The following ZNF232 variants were observed in gnomAD, a reference collection of about 807,000 sequenced individuals.
ZNF232 encodes zinc finger protein 232.
A neutral mutation model predicts 25.2 loss-of-function variants in ZNF232; 25 were observed. The observed-to-expected ratio is 0.99, with a 90% CI of 0.72 to 1.39. The LOEUF (loss-of-function observed/expected upper bound fraction) is 1.39, where lower values mean the gene tolerates loss of function less well. Ranked by LOEUF, ZNF232 falls within the 40% of genes most tolerant of loss-of-function variation. The probability of loss-of-function intolerance (pLI) is 0.00; values close to 1 mark genes in which losing one functional copy is unlikely to be tolerated. For missense variants in ZNF232, 519 were observed against 520.9 expected, an observed-to-expected ratio of 1.00 and a Z score of 0.04; for synonymous variants, 193 against 182.9, an observed-to-expected ratio of 1.06 and a Z score of -0.45.
At chr17:5,116,019 G>A (rs1310284546), upstream of ZNF232, among the ~76,000 whole-genome samples, 2 of 152,236 alleles carry the variant, frequency 1.3e-5, no homozygotes. Flanking sequence ...AAGGCACGGA[G>A]GCCAGGCAGA....
At chr17:5,117,108 A>G (rs973155098) in intron 1 of ZNF232, among the ~76,000 whole-genome samples, 2 of 152,232 alleles carry the variant, frequency 1.3e-5, no homozygotes, top group Non-Finnish European at 2.9e-5. Context: ...TTATGGTTGC[A>G]ACTTTATTAA....
chr17:5,120,558 A>G (rs2072631504), intron 1 of ZNF232: 2 of 351,284 alleles, frequency 5.7e-6, no homozygotes, highest in Non-Finnish European at 5.6e-6. Flanking sequence ...CTCCGAGGGA[A>G]AGAAGGCAGG....
rs532494055 is a variant in ZNF232, at chr17:5,119,293, C to CT, written c.-530+3683dup. On this transcript the variant is annotated intron_variant, in intron 1 of 4. Coordinates refer to the ZNF232 transcript ENST00000250076. ...TCAAAGTTCCAAAGTAGACTGCTCC[C>CT]TAACAGGTAGGTTTTATTTTGTGGA... Among the ~76,000 whole-genome samples the CT allele has an allele frequency of 1.8e-3, 272 of 152,304 alleles. 1 individual carries two copies. The highest frequency in any genetic ancestry group is 1.1e-3 in the Non-Finnish European group (77 of 68,018).
At chr17:5,107,394 GAAAAAA>G (rs749338515) in intron 3 of ZNF232, among the ~76,000 whole-genome samples, 7 of 60,684 alleles carry the variant, frequency 1.2e-4, no homozygotes, top group African/African-American at 1.9e-4. Context: ...TCTCAAAAAG[GAAAAAA>G]AAAAAAAAAA....
chr17:5,109,261 C>G, intron 2 of ZNF232, 133 bp downstream of exon 2: 1 of 1,272,650 alleles, frequency 7.9e-7, no homozygotes, highest in Non-Finnish European at 1.1e-6. Flanking sequence ...AAGACAGACA[C>G]AGAAACACAT....
intron 1 of ZNF232, 81 bp from the exon 2 acceptor site, chr17:5,109,949 A>T: frequency 7.3e-7 from 1 of 1,360,950 alleles, no homozygotes; most frequent in South Asian, 1.5e-5. Flanking sequence ...GAGTGCAGTG[A>T]CATGATCTCA....
intron 1 of ZNF232, chr17:5,120,731 G>A (rs2072634885): frequency 2.3e-6 from 1 of 435,832 alleles, no homozygotes; most frequent in South Asian, 1.7e-5. Flanking sequence ...TGCATGACCA[G>A]GACAAGAAAT....
Position 5,105,930 on chromosome 17 carries a change from CTG to C in ZNF232, c.1200_1201del (p.His400GlnfsTer9). The C allele has an allele frequency of 6.2e-7, 1 of 1,614,174 alleles. No homozygotes were observed. On this transcript the variant is annotated frameshift_variant, in exon 4 of 4. Coordinates refer to ENST00000575898, the Ensembl canonical transcript of ZNF232. LOFTEE classifies it low-confidence loss of function (END_TRUNC). The stretch of plus-strand genomic sequence containing the variant: ...TTTACATATAAAAGGTTTCTCTCCA[CTG>C]TGAATTCTCCGATGCTGACTTAGAT...
chr17:5,120,298 G>C (rs2072624243), intron 1 of ZNF232, among the ~76,000 whole-genome samples: 1 of 152,118 alleles, frequency 6.6e-6, no homozygotes, highest in Non-Finnish European at 1.5e-5. Context: ...TGGGGGCAAG[G>C]TCAGGGCAGT....
At chr17:5,108,875 C>T in intron 3 of ZNF232, 51 bp downstream of exon 3, 2 of 1,612,466 alleles carry the variant, frequency 1.2e-6, no homozygotes, top group Non-Finnish European at 8.5e-7. Context: ...GTACTGTGCC[C>T]TTTATAGTCC....
At chr17:5,109,513 A>G (rs369391158) in exon 2 of ZNF232, 3 of 1,614,024 alleles carry the variant, frequency 1.9e-6, no homozygotes, top group African/African-American at 2.7e-5. Flanking sequence ...ATGGTCAAGA[A>G]TTGTTCCAGC....
intron 1 of ZNF232, among the ~76,000 whole-genome samples, chr17:5,118,646 G>T (rs964091410): frequency 2.0e-5 from 3 of 152,226 alleles, no homozygotes; most frequent in African/African-American, 7.2e-5. Context: ...AACTTGGTGG[G>T]TCCCAAGCTC....
At chr17:5,116,463 G>A (rs1198605754), upstream of ZNF232, 2 of 152,322 alleles carry the variant, frequency 1.3e-5, no homozygotes, top group East Asian at 1.9e-4. Context: ...GGTGTCTGAG[G>A]GGCGTCTACC....
chr17:5,111,002 A>G (rs1337416774), intron 1 of ZNF232: 1 of 152,220 alleles, frequency 6.6e-6, no homozygotes. Context: ...GTTGCACGTG[A>G]AAAGAGGAAG....
chr17:5,109,350 G>T (rs761103594), intron 2 of ZNF232, 44 bp downstream of exon 2: 1 of 1,609,418 alleles, frequency 6.2e-7, no homozygotes, highest in Non-Finnish European at 8.5e-7. Context: ...CAGCCTGAAG[G>T]TCATCAATCT....
intron 1 of ZNF232, among the ~76,000 whole-genome samples, chr17:5,118,759 A>G (rs939235563): frequency 1.2e-4 from 18 of 152,190 alleles, no homozygotes; most frequent in Admixed American, 6.5e-5. Context: ...CGGAGAGGGG[A>G]GCTAGAGAGG....
chr17:5,111,997 C>G, upstream of ZNF232: 1 of 944,984 alleles, frequency 1.1e-6, no homozygotes, highest in Non-Finnish European at 1.5e-6. Context: ...GCCCGGGAAC[C>G]GGTTCCTGGA....
chr17:5,112,255 C>A (rs2072434828), upstream of ZNF232: 1 of 212,500 alleles, frequency 4.7e-6, no homozygotes, highest in African/African-American at 2.3e-5. Flanking sequence ...GTTCTATTTT[C>A]CAATTACCTC....
Position 5,111,795 on chromosome 17 carries a change from C to T in ZNF232, c.23+5G>A, listed in dbSNP as rs759992797. ...GACCTCGGGGAAGCCGCCGCCAACACTCACCTCACAGGACCAGGAGGTTCC... is the reference window on the plus strand; with the variant it reads ...GACCTCGGGGAAGCCGCCGCCAACATTCACCTCACAGGACCAGGAGGTTCC... On this transcript the variant is annotated splice_donor_5th_base_variant and intron_variant, in intron 1 of 3. Coordinates refer to ENST00000575898, the Ensembl canonical transcript of ZNF232. 3 of 1,613,882 alleles carry T rather than the reference C, an allele frequency of 1.9e-6. No individual in the cohort carries two copies. The South Asian group carries it at 3.3e-5, about 18-fold the overall frequency.
Sources: gnomAD v4.1 joint callset for allele counts (sites outside exome capture counted in the v4.1 genomes callset) on GRCh38, gnomAD v4.1.1 for gene constraint, MANE v1.5 for transcripts, NCBI Gene and HGNC (gene_info 2026-07-23, HGNC 2026-07-21) for gene names.